Variants in CLIC5 observed in about 807,000 individuals in gnomAD.
The protein encoded by CLIC5 is chloride intracellular channel protein 5.
In CLIC5, 20 loss-of-function variants were observed where a neutral mutation model predicts 24.7. The observed-to-expected ratio is 0.81, with a 90% confidence interval of 0.57 to 1.18. The LOEUF (loss-of-function observed/expected upper bound fraction) is 1.18, where lower values mean the gene tolerates loss of function less well. CLIC5 is among the 50% of genes most tolerant of loss of function. The pLI, the probability that CLIC5 is intolerant of heterozygous loss-of-function variation, is 0.00. For synonymous variants in CLIC5, 159 were observed against 135.6 expected (o/e 1.17, Z -1.20); for missense variants, 341 against 326.1 (o/e 1.05, Z -0.35).
At chr6:46,023,419 C>T (rs1311510264) in intron 1 of CLIC5, among the ~76,000 whole-genome samples, 1 of 152,166 alleles carries the variant, frequency 6.6e-6, no homozygotes, top group Non-Finnish European at 1.5e-5. Flanking sequence ...AGCTGGAACT[C>T]CCTCCATTGC....
At chr6:46,080,138 A>T (rs1000969576) in exon 1 of CLIC5, 2 of 1,551,584 alleles carry the variant, frequency 1.3e-6, no homozygotes, top group African/African-American at 2.7e-5. Flanking sequence ...ACTCATGGAC[A>T]TCATCATAAT....
At chr6:46,082,384 C>T (rs749351052), upstream of CLIC5, among the ~76,000 whole-genome samples, 1 of 152,198 alleles carries the variant, frequency 6.6e-6, no homozygotes, top group African/African-American at 2.4e-5. Flanking sequence ...ACAAGTCCTT[C>T]CGTTAAAATG....
the CLIC5 span, among the ~76,000 whole-genome samples, chr6:46,114,583 A>G: frequency 6.6e-6 from 1 of 151,970 alleles, no homozygotes; most frequent in Non-Finnish European, 1.5e-5. Context: ...CCTGTGTAGC[A>G]TGTGTGTTTC....
In CLIC5 at chr6:45,914,411, T is replaced by G; in HGVS notation, c.407-2A>C. The stretch of plus-strand genomic sequence containing the variant: ...CCTTGGTTAGGCCTCTTTCAAGAGC[T>G]GGCATGAAAGAGTAAAAGGGCCTTT... On this transcript the variant is annotated splice_acceptor_variant, in intron 4 of 5. Coordinates refer to ENST00000339561, the MANE Select transcript of CLIC5 (RefSeq NM_016929.5). LOFTEE classifies it high-confidence loss of function. The G allele has an allele frequency of 6.4e-7, 1 of 1,563,302 alleles. No individual in the cohort carries two copies. Among genetic ancestry groups the G allele is most frequent in the Non-Finnish European group, 8.7e-7 (1 of 1,144,984 alleles).
chr6:45,958,858 G>A (rs1300362852), intron 1 of CLIC5, among the ~76,000 whole-genome samples: 3 of 152,054 alleles, frequency 2.0e-5, no homozygotes, highest in South Asian at 2.1e-4. Flanking sequence ...CTATTTAAAT[G>A]GATGCATGCT....
chr6:45,931,820 G>T (rs908069815), intron 4 of CLIC5, among the ~76,000 whole-genome samples: 1 of 152,054 alleles, frequency 6.6e-6, no homozygotes. Context: ...CACCATGCTC[G>T]GCTAATTTTT....
rs567814161 is a variant in CLIC5 at position 45,901,800 on chromosome 6, G to A, written c.*1288C>T. 2.0e-5 allele frequency: 3 copies of A among 152,094 alleles called. No individual in the cohort carries two copies. In the East Asian group the frequency reaches 5.8e-4, roughly 29 times the overall value. 9.4% of individuals were successfully genotyped at this position (152,094 alleles called of 1,614,324 possible). A position where few individuals can be genotyped will look rare whatever the true frequency, so the allele number is the denominator to read the frequency against. On this transcript the variant is annotated 3_prime_UTR_variant, in exon 6 of 6. Transcript: ENST00000339561. The stretch of plus-strand genomic sequence containing the variant: ...TTTCACCTGGCAGTTGAGTCAGATT[G>A]TAGGAAAATTAACCCAGATGGGTCT...
Position 46,045,609 on chromosome 6 carries a change from G to A in CLIC5, c.540+34094C>T, listed in dbSNP as rs538988066. ...TTTACTTAGTGTCTGTGTATCTATG[G>A]CTCCCTGTTTGATCAAACAAGACAC... is the stretch of plus-strand genomic sequence containing the variant. On this transcript the variant is annotated intron_variant, in intron 1 of 5. Coordinates refer to the CLIC5 transcript ENST00000185206. 3.3e-5 allele frequency among the ~76,000 whole-genome samples: 5 copies of A among 152,186 alleles called. No individual in the cohort carries two copies. In the East Asian group the frequency reaches 9.7e-4, roughly 29 times the overall value.
the CLIC5 span, among the ~76,000 whole-genome samples, chr6:46,121,772 G>A: frequency 2.6e-5 from 4 of 152,054 alleles, no homozygotes; most frequent in Non-Finnish European, 4.4e-5. Context: ...AAAGGCAGGG[G>A]TTGCAATCCT....
chr6:46,026,039 A>C (rs1767322614), intron 1 of CLIC5, among the ~76,000 whole-genome samples: 1 of 152,188 alleles, frequency 6.6e-6, no homozygotes, highest in South Asian at 2.1e-4. Flanking sequence ...TTATAGCAGT[A>C]TGAGAACGGA....
chr6:46,103,063 C>CTT, the CLIC5 span, among the ~76,000 whole-genome samples: 14 of 148,930 alleles, frequency 9.4e-5, no homozygotes, highest in South Asian at 8.4e-4. Flanking sequence ...TTTCACTCAG[C>CTT]TTTTTTTTTT....
intron 1 of CLIC5, among the ~76,000 whole-genome samples, chr6:45,977,868 A>G: frequency 6.6e-6 from 1 of 152,218 alleles, no homozygotes; most frequent in Admixed American, 6.5e-5. Flanking sequence ...CAAATACTAA[A>G]CATCAACAAT....
the CLIC5 span, among the ~76,000 whole-genome samples, chr6:46,110,340 T>C: frequency 2.0e-5 from 3 of 152,312 alleles, no homozygotes; most frequent in East Asian, 1.9e-4. Flanking sequence ...TTTTTCTCAA[T>C]CCTTTTACTC....
chr6:45,984,908 A>G (rs1349481627), intron 1 of CLIC5, among the ~76,000 whole-genome samples: 3 of 152,326 alleles, frequency 2.0e-5, no homozygotes, highest in East Asian at 3.9e-4. Context: ...TCTTAATACC[A>G]GGGAAACAAG....
At chr6:46,013,289 C>T (rs1404126310) in intron 1 of CLIC5, among the ~76,000 whole-genome samples, 1 of 152,214 alleles carries the variant, frequency 6.6e-6, no homozygotes, top group Non-Finnish European at 1.5e-5. Flanking sequence ...GAATCATGTA[C>T]CTCAGAGAAA....
chr6:45,994,700 C>T (rs1270181275), intron 1 of CLIC5, among the ~76,000 whole-genome samples: 2 of 152,142 alleles, frequency 1.3e-5, no homozygotes, highest in Non-Finnish European at 2.9e-5. Context: ...TAAATCTGGG[C>T]AAGTAAAGGA....
At chr6:46,062,618 A>G (rs1324670876) in intron 1 of CLIC5, among the ~76,000 whole-genome samples, 1 of 152,206 alleles carries the variant, frequency 6.6e-6, no homozygotes, top group African/African-American at 2.4e-5. Context: ...ACAAGATTGC[A>G]CAAATCACTT....
At position 45,903,081 on chromosome 6, in the gene CLIC5, G is replaced by C; in HGVS notation, c.*7C>G. On this transcript the variant is annotated 3_prime_UTR_variant, in exon 6 of 6. Transcript: ENST00000339561. ...TCTGCAGCGGGGATGGGGCAAAATG[G>C]CTGTGCTCAGGATCGGCTGAGGCGT... 2 of 1,614,032 alleles carry C rather than the reference G, an allele frequency of 1.2e-6. No homozygotes were observed. The highest frequency in any genetic ancestry group is 1.7e-6 in the Non-Finnish European group (2 of 1,179,970).
At chr6:46,041,383 C>G (rs552711833) in intron 1 of CLIC5, among the ~76,000 whole-genome samples, 1 of 152,290 alleles carries the variant, frequency 6.6e-6, no homozygotes, top group South Asian at 2.1e-4. Context: ...CATGCAGGGT[C>G]GTGGTTGAAT....
Sources: gnomAD v4.1 joint callset for allele counts (sites outside exome capture counted in the v4.1 genomes callset) on GRCh38, gnomAD v4.1.1 for gene constraint, MANE v1.5 for transcripts, NCBI Gene and HGNC (gene_info 2026-07-23, HGNC 2026-07-21) for gene names.